BCKDHB: variants seen among roughly 807,000 people sequenced by gnomAD.
The protein encoded by BCKDHB is branched chain keto acid dehydrogenase E1 subunit beta, also known as 2-oxoisovalerate dehydrogenase subunit beta, mitochondrial.
BCKDHB carries 41 observed loss-of-function variants against 48.5 expected under a neutral mutation model. The ratio of observed to expected loss-of-function variants is 0.85; its 90% CI spans 0.66 to 1.10. The LOEUF is 1.10. Among genes scored for constraint, BCKDHB ranks in the 50% least tolerant of loss-of-function variants. BCKDHB has a pLI of 0.00. For synonymous variants in BCKDHB, 201 were observed against 174.8 expected (o/e 1.15, Z -1.18); for missense variants, 496 against 494.2 (o/e 1.00, Z -0.03).
intron 1 of BCKDHB, among the ~76,000 whole-genome samples, chr6:80,126,667 G>C (rs550790818): frequency 7.9e-5 from 12 of 152,242 alleles, no homozygotes; most frequent in Admixed American, 7.2e-4. Flanking sequence ...TCTGTGCTCT[G>C]AATTGTAATT....
chr6:80,181,281 G>T (rs1773399990), intron 6 of BCKDHB, among the ~76,000 whole-genome samples: 1 of 151,978 alleles, frequency 6.6e-6, no homozygotes, highest in Non-Finnish European at 1.5e-5. Context: ...CTGAAAATCA[G>T]ATAATTTTAT....
upstream of BCKDHB, chr6:80,106,644 C>G (rs958531671): frequency 4.6e-6 from 7 of 1,534,024 alleles, no homozygotes; most frequent in East Asian, 1.7e-4. Context: ...CCGCCCTCCC[C>G]GCAGGCGGCG....
At chr6:80,410,797 T>G in the BCKDHB span, among the ~76,000 whole-genome samples, 2 of 152,328 alleles carry the variant, frequency 1.3e-5, no homozygotes, top group East Asian at 1.9e-4. Flanking sequence ...CTCCATCAGG[T>G]CATTTAAGTT....
At chr6:80,276,986 G>A (rs1777992335) in intron 9 of BCKDHB, among the ~76,000 whole-genome samples, 1 of 151,932 alleles carries the variant, frequency 6.6e-6, no homozygotes, top group South Asian at 2.1e-4. Flanking sequence ...CCCCACTCTG[G>A]GGAAGATTTC....
the BCKDHB span, among the ~76,000 whole-genome samples, chr6:80,375,100 A>G: frequency 6.6e-6 from 1 of 152,050 alleles, no homozygotes; most frequent in Non-Finnish European, 1.5e-5. Context: ...CTTCATCTTT[A>G]CTTTAGGTAA....
the BCKDHB span, among the ~76,000 whole-genome samples, chr6:80,410,579 A>G: frequency 1.3e-5 from 2 of 152,216 alleles, no homozygotes; most frequent in East Asian, 1.9e-4. Flanking sequence ...TTTCAGGTAC[A>G]CCAATCAAAT....
intron 3 of BCKDHB, among the ~76,000 whole-genome samples, chr6:80,151,030 ATGTGTAC>A (rs1451593374): frequency 6.6e-6 from 1 of 152,196 alleles, no homozygotes; most frequent in Non-Finnish European, 1.5e-5. Context: ...ATGTGCATAT[ATGTGTAC>A]TTATTCACAC....
chr6:80,307,861 C>G, intron 9 of BCKDHB: 1 of 977,566 alleles, frequency 1.0e-6, no homozygotes, highest in South Asian at 4.7e-5. Flanking sequence ...CTTAACACTG[C>G]AAATGCAACT....
chr6:80,366,213 T>C, the BCKDHB span, among the ~76,000 whole-genome samples: 2 of 152,204 alleles, frequency 1.3e-5, no homozygotes, highest in Non-Finnish European at 2.9e-5. Context: ...TGTGGGCCAG[T>C]TGGCTTCATG....
At chr6:80,425,627 C>T in the BCKDHB span, among the ~76,000 whole-genome samples, 1 of 152,128 alleles carries the variant, frequency 6.6e-6, no homozygotes, top group Non-Finnish European at 1.5e-5. Context: ...CACTTAGTCA[C>T]CACAGCAGCT....
intron 6 of BCKDHB, among the ~76,000 whole-genome samples, chr6:80,193,074 G>C (rs912728675): frequency 6.6e-6 from 1 of 151,906 alleles, no homozygotes; most frequent in Non-Finnish European, 1.5e-5. Context: ...TGCCCATCTC[G>C]GTCTCCAAAA....
intron 1 of BCKDHB, 138 bp from the exon 2 acceptor site, chr6:80,127,409 A>G: frequency 2.7e-6 from 2 of 747,562 alleles, no homozygotes; most frequent in Non-Finnish European, 4.6e-6. Context: ...TTATAGTATT[A>G]TTGTAAATAA....
intron 1 of BCKDHB, among the ~76,000 whole-genome samples, chr6:80,107,399 T>G (rs1769140666): frequency 7.1e-6 from 1 of 139,918 alleles, no homozygotes; most frequent in African/African-American, 2.6e-5. Context: ...CCTTGGTTTC[T>G]TCTTACATAC....
chr6:80,384,190 A>G, the BCKDHB span, among the ~76,000 whole-genome samples: 1 of 152,078 alleles, frequency 6.6e-6, no homozygotes, highest in Admixed American at 6.6e-5. Flanking sequence ...CTCATCCTTA[A>G]TTGGGTGGGT....
intron 3 of BCKDHB, among the ~76,000 whole-genome samples, chr6:80,146,754 T>C (rs1771508465): frequency 6.6e-6 from 1 of 152,036 alleles, no homozygotes; most frequent in African/African-American, 2.4e-5. Flanking sequence ...ATAGGGAGAA[T>C]TGGTTGAAAA....
chr6:80,451,600 T>A, the BCKDHB span, among the ~76,000 whole-genome samples: 2 of 152,040 alleles, frequency 1.3e-5, no homozygotes, highest in Non-Finnish European at 2.9e-5. Context: ...TAGTCGGGCA[T>A]GGTGGCAGGT....
the BCKDHB span, among the ~76,000 whole-genome samples, chr6:80,451,553 C>A: frequency 6.6e-6 from 1 of 152,044 alleles, no homozygotes; most frequent in Non-Finnish European, 1.5e-5. Context: ...GCCTGGCCAA[C>A]ATGGCAAAAC....
intron 8 of BCKDHB, among the ~76,000 whole-genome samples, chr6:80,255,425 A>G (rs994682542): frequency 3.3e-5 from 5 of 152,176 alleles, no homozygotes; most frequent in Non-Finnish European, 7.4e-5. Context: ...GTTTAAGACC[A>G]TTTTGATATT....
the BCKDHB span, among the ~76,000 whole-genome samples, chr6:80,370,943 T>C: frequency 5.3e-5 from 8 of 152,134 alleles, no homozygotes; most frequent in Non-Finnish European, 1.2e-4. Context: ...TGTGCTGCTA[T>C]AAACATGCAT....
Sources: gnomAD v4.1 joint callset for allele counts (sites outside exome capture counted in the v4.1 genomes callset) on GRCh38, gnomAD v4.1.1 for gene constraint, MANE v1.5 for transcripts, NCBI Gene and HGNC (gene_info 2026-07-23, HGNC 2026-07-21) for gene names.